DZIP1: variants seen among roughly 807,000 people sequenced by gnomAD.
The protein encoded by DZIP1 is DAZ interacting zinc finger protein 1, also known as cilium assembly protein DZIP1.
Under a neutral mutation model 107.6 loss-of-function variants are expected in DZIP1, and 97 were observed. The observed-to-expected ratio is 0.90, with a 90% CI of 0.77 to 1.07. DZIP1 has a LOEUF of 1.07. DZIP1 is among the 50% of genes least tolerant of loss of function. The pLI, the probability that DZIP1 is intolerant of heterozygous loss-of-function variation, is 0.00. For missense variants in DZIP1, 1,035 were observed against 1,063.6 expected (o/e 0.97, Z 0.37); for synonymous variants, 390 against 386.4 (o/e 1.01, Z -0.11).
chr13:95,584,933 A>G lies in DZIP1; in HGVS notation c.2350-23T>C, dbSNP rs1385139411. On this transcript the variant is annotated intron_variant, in intron 21 of 22. Coordinates refer to ENST00000376829, the MANE Select transcript of DZIP1 (RefSeq NM_198968.4). The stretch of plus-strand genomic sequence containing the variant: ...ACACTAAAAGAAAGGCATGGAGAAT[A>G]ATTAATGTTGCTTAGAAAAAAATGG... 3 of 1,592,092 alleles carry G rather than the reference A, an allele frequency of 1.9e-6. No individual in the cohort carries two copies. In the Admixed American group the frequency reaches 5.2e-5, roughly 28 times the overall value.
At position 95,582,137 on chromosome 13, in the gene DZIP1, G is replaced by A. The variant is rs1307977820; in HGVS notation, c.*97C>T. Reference sequence around the variant, plus strand: ...GTCTCTGTGTTGCTGTGGGAAACACGGTAAGGCAGAAGCACTAGAATCATG... The same window carrying A: ...GTCTCTGTGTTGCTGTGGGAAACACAGTAAGGCAGAAGCACTAGAATCATG... On this transcript the variant is annotated 3_prime_UTR_variant, in exon 23 of 23. Transcript: ENST00000376829. The A allele has an allele frequency of 2.7e-5, 31 of 1,162,854 alleles. No individual in the cohort carries two copies. Among genetic ancestry groups the A allele is most frequent in the East Asian group, 2.6e-4 (11 of 42,428 alleles). The allele number at this position is 1,162,854 out of a possible 1,614,324, so 72.0% of individuals were successfully genotyped here.
In DZIP1 at chr13:95,619,873, T is replaced by C; in HGVS notation, c.1173+12A>G. On this transcript the variant is annotated intron_variant, in intron 10 of 22. Transcript: ENST00000376829. ...AATGGCCCACTTTAGGCCACTGGTT[T>C]CTTAACCTTACCCGACCCTTCTCTT... is the stretch of plus-strand genomic sequence containing the variant. The C allele has an allele frequency of 6.2e-7, 1 of 1,613,504 alleles. No homozygotes were observed. Among genetic ancestry groups the C allele is most frequent in the South Asian group, 1.1e-5 (1 of 90,966 alleles).
chr13:95,589,315 G>A lies in DZIP1; in HGVS notation c.1974-108C>T. 11 of 823,288 alleles carry A rather than the reference G, an allele frequency of 1.3e-5. 1 individual carries two copies. In the South Asian group the frequency reaches 1.7e-4, roughly 13 times the overall value. The allele number at this position is 823,288 out of a possible 1,614,324, so 51.0% of individuals were successfully genotyped here. On this transcript the variant is annotated intron_variant, in intron 18 of 22. Transcript: ENST00000376829. ...TTTGCTTTTGACATACACTAACGAG[G>A]AAGAGCAGCAACAAAAGTCACCCAG...
chr13:95,593,839 A>C, intron 16 of DZIP1, 105 bp downstream of exon 16: 3 of 1,395,274 alleles, frequency 2.2e-6, no homozygotes, highest in Non-Finnish European at 2.9e-6. Flanking sequence ...CTGTTCTCCA[A>C]ACATGGACAG....
In DZIP1 at chr13:95,641,736, C is replaced by G; in HGVS notation, c.156G>C (p.Ser52=). 1 of 1,593,484 alleles carries G rather than the reference C, an allele frequency of 6.3e-7. No individual in the cohort carries two copies. Among genetic ancestry groups the G allele is most frequent in the Non-Finnish European group, 8.5e-7 (1 of 1,175,426 alleles). ...TGAACTGGAAGAAGGGCAGGGGCCC[C>G]GAAGCCGCGCTGGGGGGCGCACAGG... is the stretch of plus-strand genomic sequence containing the variant. ...SMACAPPSAA[S]GPLPFFQFRP... Residue 52 remains serine (S), a synonymous_variant, in exon 5 of 23, where the codon TCG becomes TCC. Coordinates refer to ENST00000376829, the MANE Select transcript of DZIP1 (RefSeq NM_198968.4). The surrounding 1 kb of genome is among the most constrained non-coding windows in gnomAD (Gnocchi z 4.3).
intron 9 of DZIP1, among the ~76,000 whole-genome samples, chr13:95,620,378 A>G (rs527585090): frequency 2.6e-5 from 4 of 152,292 alleles, no homozygotes; most frequent in African/African-American, 7.2e-5. Context: ...TTTCTTTATA[A>G]ATTACCCAGT....
rs754497843 is a variant in DZIP1, at chr13:95,587,672, G to C, written c.2085C>G (p.Tyr695Ter). Residue 695 changes from tyrosine to a stop codon, truncating the protein, a stop_gained, in exon 20 of 23, where the codon TAC becomes TAG. Coordinates refer to ENST00000376829, the MANE Select transcript of DZIP1 (RefSeq NM_198968.4). LOFTEE classifies it high-confidence loss of function. ...GCACAGGAAGTGGGCCTGGGGATGCGTATGCCCGGATGAGGTCGTCGTCCT... is the reference window on the plus strand; with the variant it reads ...GCACAGGAAGTGGGCCTGGGGATGCCTATGCCCGGATGAGGTCGTCGTCCT... ...EQEDDDLIRA[Y>*]ASPGPLPVPP... The C allele has an allele frequency of 2.5e-6, 4 of 1,614,088 alleles. No individual in the cohort carries two copies. The highest frequency in any genetic ancestry group is 2.5e-6 in the Non-Finnish European group (3 of 1,180,016).
intron 10 of DZIP1, among the ~76,000 whole-genome samples, chr13:95,612,537 C>T (rs889146443): frequency 5.3e-5 from 8 of 152,290 alleles, no homozygotes; most frequent in South Asian, 4.1e-4. Context: ...CCTGTCCTTC[C>T]GATGCCCACA....
chr13:95,621,083 C>A (rs1475105148), intron 9 of DZIP1, among the ~76,000 whole-genome samples: 3 of 152,182 alleles, frequency 2.0e-5, no homozygotes, highest in African/African-American at 7.2e-5. Context: ...CACTTAGGGA[C>A]TACAGAAATG....
chr13:95,633,357 A>G (rs1877425011), intron 5 of DZIP1, 36 bp from the exon 6 acceptor site: 29 of 1,569,734 alleles, frequency 1.8e-5, no homozygotes, highest in Non-Finnish European at 2.5e-5. Flanking sequence ...AAGTGTCTGT[A>G]ACGACTGTCG....
chr13:95,617,221 T>G (rs948996139), intron 10 of DZIP1, among the ~76,000 whole-genome samples: 2 of 149,992 alleles, frequency 1.3e-5, no homozygotes, highest in Non-Finnish European at 3.0e-5. Flanking sequence ...AAAAAAGAAA[T>G]AAGAAGTCCC....
chr13:95,632,593 C>G (rs1877320599), intron 6 of DZIP1, among the ~76,000 whole-genome samples: 1 of 152,124 alleles, frequency 6.6e-6, no homozygotes, highest in South Asian at 2.1e-4. Context: ...AAGGGTCATG[C>G]TAAGGTACAC....
At chr13:95,600,924 G>A (rs1207706486) in intron 14 of DZIP1, among the ~76,000 whole-genome samples, 1 of 152,118 alleles carries the variant, frequency 6.6e-6, no homozygotes, top group Non-Finnish European at 1.5e-5. Flanking sequence ...TATACAAATA[G>A]GCTATATTAC....
intron 10 of DZIP1, among the ~76,000 whole-genome samples, chr13:95,616,595 T>A (rs1272946183): frequency 6.6e-6 from 1 of 152,094 alleles, no homozygotes; most frequent in African/African-American, 2.4e-5. Flanking sequence ...GAACTCTGTT[T>A]GAGATATTAT....
chr13:95,641,583 G>A lies in DZIP1; in HGVS notation c.309C>T (p.Asp103=), dbSNP rs925588831. Residue 103 remains aspartate, a synonymous_variant, in exon 5 of 23, where the codon GAC becomes GAT. Coordinates refer to ENST00000376829, the MANE Select transcript of DZIP1 (RefSeq NM_198968.4). This position sits in a 1 kb window ranked among gnomAD's most constrained non-coding sequence, Gnocchi z 4.3. The part of the protein sequence containing the change: ...IMNITFCKLE[D]EKCPHCQSGV... ...CCGACTGGCAGTGTGGGCACTTCTCGTCTTCCAGCTTGCAGAAGGTGATGT... is the reference window on the plus strand; with the variant it reads ...CCGACTGGCAGTGTGGGCACTTCTCATCTTCCAGCTTGCAGAAGGTGATGT... 2 of 1,613,402 alleles carry A rather than the reference G, an allele frequency of 1.2e-6. No homozygotes were observed. The highest frequency in any genetic ancestry group is 1.3e-5 in the African/African-American group (1 of 74,950).
intron 7 of DZIP1, among the ~76,000 whole-genome samples, chr13:95,628,827 G>A (rs188141918): frequency 6.6e-6 from 1 of 152,136 alleles, no homozygotes; most frequent in Non-Finnish European, 1.5e-5. Context: ...GAGGTATCTA[G>A]AGCAGGCAAA....
At chr13:95,628,048 CT>C (rs200194599) in intron 7 of DZIP1, among the ~76,000 whole-genome samples, 12,330 of 148,142 alleles carry the variant, frequency 0.083, 647 homozygotes, top group East Asian at 0.17. Context: ...TCACACATTA[CT>C]TTTTTTTTTT....
intron 16 of DZIP1, 128 bp from the exon 17 acceptor site, chr13:95,590,569 G>C: frequency 1.1e-6 from 1 of 917,796 alleles, no homozygotes; most frequent in Non-Finnish European, 1.6e-6. Flanking sequence ...TAGAGGGTAA[G>C]GGTGCCCCAA....
intron 9 of DZIP1, among the ~76,000 whole-genome samples, chr13:95,620,865 C>A (rs116444749): frequency 2.0e-5 from 3 of 152,126 alleles, no homozygotes; most frequent in Admixed American, 6.5e-5. Context: ...AGTTCATGAG[C>A]GACCAGCTGT....
Sources: gnomAD v4.1 joint callset for allele counts (sites outside exome capture counted in the v4.1 genomes callset) on GRCh38, gnomAD v4.1.1 for gene constraint, Gnocchi (gnomAD v3.1) non-coding constraint, MANE v1.5 for transcripts, NCBI Gene and HGNC (gene_info 2026-07-23, HGNC 2026-07-21) for gene names.